The following COL19A1 variants were observed in gnomAD, a reference collection of about 807,000 sequenced individuals.
COL19A1 encodes collagen alpha-1(XIX) chain.
COL19A1 carries 159 observed loss-of-function variants against 190.2 expected under a neutral mutation model. That is an observed-to-expected ratio of 0.84 (90% CI 0.73 to 0.95). The LOEUF is 0.95. COL19A1 is among the 40% of genes least tolerant of loss of function. The pLI, the probability that COL19A1 is intolerant of heterozygous loss-of-function variation, is 0.00. For missense variants in COL19A1, 1,418 were observed against 1,431.9 expected (o/e 0.99, Z 0.16); for synonymous variants, 509 against 458.9 (o/e 1.11, Z -1.39).
At chr6:70,044,717 T>C (rs986770415) in intron 14 of COL19A1, among the ~76,000 whole-genome samples, 1 of 152,160 alleles carries the variant, frequency 6.6e-6, no homozygotes, top group African/African-American at 2.4e-5. Context: ...GTGGCAGATA[T>C]GTTAGATTTT....
At chr6:69,918,562 C>T (rs947747741) in intron 4 of COL19A1, among the ~76,000 whole-genome samples, 3 of 151,974 alleles carry the variant, frequency 2.0e-5, no homozygotes, top group Non-Finnish European at 4.4e-5. Flanking sequence ...AAAAATTAGC[C>T]AGGTATGGCT....
chr6:69,903,017 C>T (rs762973782), intron 4 of COL19A1, among the ~76,000 whole-genome samples: 1 of 152,158 alleles, frequency 6.6e-6, no homozygotes, highest in Non-Finnish European at 1.5e-5. Flanking sequence ...CATGGCCTGG[C>T]CCTACATGGG....
At chr6:69,993,460 T>A (rs1347315156) in intron 11 of COL19A1, among the ~76,000 whole-genome samples, 1 of 152,200 alleles carries the variant, frequency 6.6e-6, no homozygotes, top group African/African-American at 2.4e-5. Context: ...ATCAGGATGA[T>A]GCTGGCCTCA....
chr6:70,121,979 GA>G, intron 17 of COL19A1, 37 bp downstream of exon 17: 1 of 1,314,772 alleles, frequency 7.6e-7, no homozygotes, highest in Non-Finnish European at 1.1e-6. Flanking sequence ...ATAATACATA[GA>G]AATTTTATAT....
At chr6:70,062,612 T>A (rs1425016290) in intron 14 of COL19A1, among the ~76,000 whole-genome samples, 2 of 151,942 alleles carry the variant, frequency 1.3e-5, no homozygotes, top group African/African-American at 2.4e-5. Flanking sequence ...AATGACAGGA[T>A]CAAATTCACA....
At chr6:70,163,492 C>A in intron 36 of COL19A1, 96 bp downstream of exon 36, 2 of 1,144,008 alleles carry the variant, frequency 1.7e-6, no homozygotes, top group South Asian at 1.4e-5. Context: ...TCAAGCAAAG[C>A]CTAAAAGTAG....
chr6:70,023,849 A>G (rs1352545971), intron 12 of COL19A1, among the ~76,000 whole-genome samples, 169 bp downstream of exon 12: 1 of 152,212 alleles, frequency 6.6e-6, no homozygotes, highest in Non-Finnish European at 1.5e-5. Flanking sequence ...CAGTGTTTTT[A>G]GTTTCATTTC....
chr6:69,950,103 A>G (rs1774040193), intron 9 of COL19A1, among the ~76,000 whole-genome samples: 1 of 151,944 alleles, frequency 6.6e-6, no homozygotes, highest in Non-Finnish European at 1.5e-5. Context: ...CATATAAATC[A>G]CATTATTCTA....
At chr6:70,056,019 T>G (rs1275262214) in intron 14 of COL19A1, among the ~76,000 whole-genome samples, 1 of 152,146 alleles carries the variant, frequency 6.6e-6, no homozygotes, top group African/African-American at 2.4e-5. Flanking sequence ...TTCCATCTGT[T>G]GTAGGGAGCT....
intron 2 of COL19A1, among the ~76,000 whole-genome samples, chr6:69,889,082 C>A (rs1202459135): frequency 6.6e-6 from 1 of 152,154 alleles, no homozygotes; most frequent in East Asian, 1.9e-4. Context: ...GGAAAACAAA[C>A]CAGTTCTGTA....
chr6:70,046,982 G>A (rs930586367), intron 14 of COL19A1, among the ~76,000 whole-genome samples: 5 of 151,812 alleles, frequency 3.3e-5, no homozygotes, highest in South Asian at 2.1e-4. Context: ...GAAATTCCAC[G>A]TTTTAAAAAT....
chr6:69,878,050 G>A (rs1245017632), intron 1 of COL19A1, among the ~76,000 whole-genome samples: 1 of 151,882 alleles, frequency 6.6e-6, no homozygotes, highest in East Asian at 1.9e-4. Flanking sequence ...GGGCAAAGGA[G>A]TTGAATAGAC....
chr6:70,123,749 A>G (rs1175200745), intron 17 of COL19A1, among the ~76,000 whole-genome samples: 1 of 146,990 alleles, frequency 6.8e-6, no homozygotes, highest in East Asian at 2.1e-4. Flanking sequence ...ATAGGTGGGA[A>G]TTGAACAATG....
chr6:69,994,370 T>C (rs1776785869), intron 11 of COL19A1, among the ~76,000 whole-genome samples: 1 of 152,156 alleles, frequency 6.6e-6, no homozygotes, highest in Non-Finnish European at 1.5e-5. Flanking sequence ...CTCTAATCCA[T>C]GTATCCTGGT....
At chr6:70,178,758 C>T (rs1395142162) in intron 42 of COL19A1, among the ~76,000 whole-genome samples, 1 of 152,222 alleles carries the variant, frequency 6.6e-6, no homozygotes, top group East Asian at 1.9e-4. Flanking sequence ...CAATCCTGCT[C>T]TTCCTAGAAC....
intron 48 of COL19A1, among the ~76,000 whole-genome samples, chr6:70,194,162 A>G (rs1767053231): frequency 6.6e-6 from 1 of 152,222 alleles, no homozygotes; most frequent in African/African-American, 2.4e-5. Flanking sequence ...GGCAAGTCGC[A>G]GACTGTCAGC....
At chr6:69,998,190 G>A (rs1381197420) in intron 11 of COL19A1, among the ~76,000 whole-genome samples, 3 of 152,138 alleles carry the variant, frequency 2.0e-5, no homozygotes, top group African/African-American at 7.2e-5. Flanking sequence ...TGAATTCCTT[G>A]CTAGCATAAA....
chr6:70,079,726 C>T (rs1039989861), intron 15 of COL19A1, among the ~76,000 whole-genome samples: 9 of 152,054 alleles, frequency 5.9e-5, no homozygotes, highest in South Asian at 2.1e-4. Flanking sequence ...TGACACTGCA[C>T]GGATCTCAAG....
At chr6:70,016,461 A>G (rs938054885) in intron 11 of COL19A1, among the ~76,000 whole-genome samples, 3 of 143,132 alleles carry the variant, frequency 2.1e-5, no homozygotes, top group Non-Finnish European at 4.5e-5. Context: ...TGATGGTTTC[A>G]TGGCTGTTTG....
Sources: allele counts gnomAD v4.1 joint callset (sites outside exome capture counted in the v4.1 genomes callset), GRCh38; gene constraint gnomAD v4.1.1; transcripts MANE v1.5; gene names NCBI Gene and HGNC (gene_info 2026-07-23, HGNC 2026-07-21).